ASIC2: variants seen among roughly 807,000 people sequenced by gnomAD.
ASIC2 encodes the protein acid-sensing ion channel 2.
Under a neutral mutation model 57.3 loss-of-function variants are expected in ASIC2, and 25 were observed. The observed-to-expected ratio is 0.44, with a 90% CI of 0.32 to 0.61. The LOEUF (loss-of-function observed/expected upper bound fraction) is 0.61, where lower values mean the gene tolerates loss of function less well. ASIC2 is among the 20% of genes least tolerant of loss of function. ASIC2 has a pLI of 0.06. For synonymous variants in ASIC2, 319 were observed against 307.5 expected (o/e 1.04, Z -0.39); for missense variants, 641 against 738.1 (o/e 0.87, Z 1.52).
chr17:33,574,504 T>C (rs1411601412), intron 1 of ASIC2, among the ~76,000 whole-genome samples: 1 of 152,174 alleles, frequency 6.6e-6, no homozygotes, highest in Non-Finnish European at 1.5e-5. Context: ...GTGCTGTGAT[T>C]GAAGGATCTT....
rs1408655477 is a variant in ASIC2 at position 33,292,058 on chromosome 17, A to G, written c.58T>C (p.Phe20Leu). The G allele has an allele frequency of 1.8e-6, 2 of 1,111,668 alleles. No individual in the cohort carries two copies. Among genetic ancestry groups the G allele is most frequent in the Middle Eastern group, 3.8e-4 (1 of 2,612 alleles). 68.9% of individuals were successfully genotyped at this position (1,111,668 alleles called of 1,614,324 possible). A position where few individuals can be genotyped will look rare whatever the true frequency, so the allele number is the denominator to read the frequency against. ...GCCGGCTCCTCGCGGGCCATGCGGA[A>G]GCGTCCCGGGCCGGTGAGCGCGGCT... ...PAAALTGPGR[F>L]RMAREEPAPA... The change falls in exon 1 of 10, where the codon TTC becomes CTC. Residue 20 changes from phenylalanine to leucine, a missense_variant. By Grantham distance (22) the Phe-to-Leu change is conservative (BLOSUM62 0). Transcript: ENST00000225823.
At position 33,281,784 on chromosome 17, in the gene ASIC2, C is replaced by T. The variant is rs545409225; in HGVS notation, c.708+9624G>A. On this transcript the variant is annotated intron_variant, in intron 1 of 9. Coordinates refer to ENST00000225823, the MANE Select transcript of ASIC2 (RefSeq NM_183377.2). ...TGGGTGACTTAGGCCTCAGGATCCTCCTCTGTAATATGAGGGCATGAACCA... is the reference window on the plus strand; with the variant it reads ...TGGGTGACTTAGGCCTCAGGATCCTTCTCTGTAATATGAGGGCATGAACCA... Among the ~76,000 whole-genome samples, 50 of 152,334 alleles carry T rather than the reference C, an allele frequency of 3.3e-4. No homozygotes were observed. The South Asian group carries it at 7.5e-3, about 23-fold the overall frequency.
chr17:33,131,225 C>T (rs2092344944), intron 1 of ASIC2, among the ~76,000 whole-genome samples: 1 of 152,090 alleles, frequency 6.6e-6, no homozygotes. Context: ...TCTGGGATGG[C>T]TAAGGGATGA....
intron 1 of ASIC2, among the ~76,000 whole-genome samples, chr17:33,144,154 AAAC>A (rs1277255829): frequency 1.5e-5 from 2 of 134,312 alleles, no homozygotes; most frequent in African/African-American, 5.8e-5. Context: ...AAAAACAAAC[AAAC>A]AAAAAAAAAA....
intron 1 of ASIC2, among the ~76,000 whole-genome samples, chr17:33,782,240 C>T (rs1046779820): frequency 3.9e-5 from 6 of 152,112 alleles, no homozygotes; most frequent in Non-Finnish European, 7.3e-5. Flanking sequence ...GCCCTCAGTC[C>T]TGGGGCCTTT....
chr17:33,626,449 C>G (rs1375570496), intron 1 of ASIC2, among the ~76,000 whole-genome samples: 3 of 152,140 alleles, frequency 2.0e-5, no homozygotes, highest in Non-Finnish European at 2.9e-5. Context: ...ATTCATAAAA[C>G]TATGAATCTG....
chr17:33,301,005 TATTC>T (rs1328074996), intron 1 of ASIC2, among the ~76,000 whole-genome samples: 28 of 105,720 alleles, frequency 2.6e-4, no homozygotes, highest in East Asian at 2.0e-3. Flanking sequence ...TCATTCTTTT[TATTC>T]ATTTATTTAT....
At chr17:33,740,872 G>A (rs1287657496) in intron 1 of ASIC2, among the ~76,000 whole-genome samples, 1 of 152,198 alleles carries the variant, frequency 6.6e-6, no homozygotes, top group Non-Finnish European at 1.5e-5. Context: ...GACTCTGCTA[G>A]AGTCTCTAAA....
chr17:33,133,273 G>A (rs2092354435), intron 1 of ASIC2, among the ~76,000 whole-genome samples: 1 of 152,152 alleles, frequency 6.6e-6, no homozygotes, highest in Admixed American at 6.5e-5. Flanking sequence ...GTTGGCAGAG[G>A]CGCAGAGGCA....
intron 1 of ASIC2, among the ~76,000 whole-genome samples, chr17:33,944,580 C>T (rs542294941): frequency 9.2e-5 from 14 of 152,242 alleles, no homozygotes; most frequent in African/African-American, 2.4e-4. Context: ...GTCAGGGGAG[C>T]GCCAAGAAAA....
chr17:33,365,556 CTG>C (rs1465941135), intron 1 of ASIC2, among the ~76,000 whole-genome samples: 4 of 152,162 alleles, frequency 2.6e-5, no homozygotes, highest in Non-Finnish European at 5.9e-5. Flanking sequence ...CTGTTACACA[CTG>C]TGTTTGTCAG....
intron 1 of ASIC2, among the ~76,000 whole-genome samples, chr17:33,759,652 G>A (rs894425348): frequency 6.6e-6 from 1 of 152,146 alleles, no homozygotes; most frequent in Non-Finnish European, 1.5e-5. Context: ...ACAAGCCTGA[G>A]GTCCTCATGA....
intron 1 of ASIC2, among the ~76,000 whole-genome samples, chr17:33,266,365 T>C (rs556266658): frequency 2.0e-5 from 3 of 152,264 alleles, no homozygotes; most frequent in East Asian, 1.9e-4. Flanking sequence ...ATCTGCCTGA[T>C]GAAAGAATGA....
At chr17:33,969,851 G>A (rs1905175799) in intron 1 of ASIC2, among the ~76,000 whole-genome samples, 1 of 152,094 alleles carries the variant, frequency 6.6e-6, no homozygotes, top group Non-Finnish European at 1.5e-5. Flanking sequence ...GAGTGCCAAG[G>A]GGATACAGGT....
intron 1 of ASIC2, among the ~76,000 whole-genome samples, chr17:33,577,782 C>T (rs968724055): frequency 6.6e-5 from 10 of 152,270 alleles, no homozygotes; most frequent in African/African-American, 2.4e-4. Flanking sequence ...CCATGTTCCA[C>T]CCGGCCTGCC....
upstream of ASIC2, among the ~76,000 whole-genome samples, chr17:33,294,641 TACAAC>T (rs374925785): frequency 2.2e-4 from 34 of 151,896 alleles, no homozygotes; most frequent in East Asian, 5.2e-3. Flanking sequence ...ACACTACACA[TACAAC>T]ACACATATAC....
At chr17:33,611,016 T>C (rs1905389517) in intron 1 of ASIC2, among the ~76,000 whole-genome samples, 1 of 152,200 alleles carries the variant, frequency 6.6e-6, no homozygotes, top group African/African-American at 2.4e-5. Context: ...CAGACTGATT[T>C]CTGGGAATTG....
chr17:33,486,519 G>A (rs904275488), intron 1 of ASIC2, among the ~76,000 whole-genome samples: 3 of 152,178 alleles, frequency 2.0e-5, no homozygotes, highest in Admixed American at 1.3e-4. Flanking sequence ...TCACTTTTAC[G>A]GCCCTGGCTC....
chr17:33,720,601 C>G (rs1909359269), intron 1 of ASIC2, among the ~76,000 whole-genome samples: 1 of 152,114 alleles, frequency 6.6e-6, no homozygotes, highest in Admixed American at 6.5e-5. Flanking sequence ...GAGTAGCCTA[C>G]TGAATGAAAA....
Sources: allele counts gnomAD v4.1 joint callset (sites outside exome capture counted in the v4.1 genomes callset), GRCh38; gene constraint gnomAD v4.1.1; transcripts MANE v1.5; gene names NCBI Gene and HGNC (gene_info 2026-07-23, HGNC 2026-07-21).